TOX2: variants seen among roughly 807,000 people sequenced by gnomAD.
TOX2 encodes the protein TOX high mobility group box family member 2, also known as granulosa cell HMG box 1.
A neutral mutation model predicts 47.4 loss-of-function variants in TOX2; 15 were observed. That is an observed-to-expected ratio of 0.32 (90% CI 0.21 to 0.49). The LOEUF (loss-of-function observed/expected upper bound fraction) is 0.49, where lower values mean the gene tolerates loss of function less well. TOX2 is among the 20% of genes least tolerant of loss of function. The pLI, the probability that TOX2 is intolerant of heterozygous loss-of-function variation, is 0.99. For synonymous variants in TOX2, 290 were observed against 296.6 expected, an observed-to-expected ratio of 0.98 and a Z score of 0.23; for missense variants, 622 against 673.1, an observed-to-expected ratio of 0.92 and a Z score of 0.84.
chr20:44,013,210 G>T (rs1600736443), intron 3 of TOX2, among the ~76,000 whole-genome samples: 1 of 152,256 alleles, frequency 6.6e-6, no homozygotes, highest in Non-Finnish European at 1.5e-5. Flanking sequence ...CTGGGGGCAA[G>T]GGCCTTGGAG....
chr20:44,032,621 G>A (rs1343517507), intron 3 of TOX2, among the ~76,000 whole-genome samples: 3 of 152,078 alleles, frequency 2.0e-5, no homozygotes, highest in African/African-American at 4.8e-5. Flanking sequence ...AAGGACTTTG[G>A]CTTTTACTTG....
At chr20:43,928,191 AT>A (rs1407175677) in intron 1 of TOX2, among the ~76,000 whole-genome samples, 2 of 152,248 alleles carry the variant, frequency 1.3e-5, no homozygotes, top group Non-Finnish European at 2.9e-5. Flanking sequence ...AGCCAGGGGC[AT>A]TTGGAAAGCT....
Position 43,961,781 on chromosome 20 carries a change from G to T in TOX2, c.100-11586G>T, listed in dbSNP as rs369860092. 2.0e-5 allele frequency among the ~76,000 whole-genome samples: 3 copies of T among 152,130 alleles called. No individual in the cohort carries two copies. In the East Asian group the frequency reaches 5.8e-4, roughly 30 times the overall value. ...AGACTCTGGGGACGTGGGGAGTGCC[G>T]GTGGGTGAGACCAGCCGAGAGCACG... is the stretch of plus-strand genomic sequence containing the variant. On this transcript the variant is annotated intron_variant, in intron 1 of 8. Transcript: ENST00000341197.
intron 4 of TOX2, 148 bp from the exon 5 acceptor site, chr20:44,054,151 G>C: frequency 1.3e-6 from 1 of 754,724 alleles, no homozygotes; most frequent in Non-Finnish European, 2.3e-6. Flanking sequence ...GTGTGTGTCT[G>C]TCTGTCCATT....
At chr20:43,943,941 C>T (rs117716512) in intron 1 of TOX2, among the ~76,000 whole-genome samples, 1,779 of 152,244 alleles carry the variant, frequency 0.012, 20 homozygotes, top group Non-Finnish European at 0.019. Context: ...ATATCCTTGT[C>T]CACACGAATT....
At chr20:43,927,502 C>T (rs1428601533) in intron 1 of TOX2, among the ~76,000 whole-genome samples, 1 of 120,860 alleles carries the variant, frequency 8.3e-6, no homozygotes, top group Admixed American at 8.7e-5. Flanking sequence ...CACACACACA[C>T]ACACACACAT....
chr20:43,951,707 G>GTTGTTTTT (rs2069571130), intron 1 of TOX2, among the ~76,000 whole-genome samples: 5 of 55,094 alleles, frequency 9.1e-5, no homozygotes, highest in Admixed American at 2.4e-4. Flanking sequence ...AACTTATTAT[G>GTTGTTTTT]TTTTTTTTTT....
At chr20:43,994,386 G>T (rs2070428276) in intron 2 of TOX2, among the ~76,000 whole-genome samples, 1 of 150,396 alleles carries the variant, frequency 6.6e-6, no homozygotes, top group Admixed American at 6.7e-5. Context: ...TTGAGCCCAG[G>T]AGTCAGAGGC....
chr20:43,965,644 A>G (rs1201418333), intron 1 of TOX2, among the ~76,000 whole-genome samples: 4 of 152,170 alleles, frequency 2.6e-5, no homozygotes, highest in Non-Finnish European at 2.9e-5. Context: ...AGTGGCTGGG[A>G]GCATATTCCT....
chr20:44,064,683 G>A (rs2071778499), intron 5 of TOX2, 94 bp from the exon 6 acceptor site: 1 of 1,223,436 alleles, frequency 8.2e-7, no homozygotes, highest in Non-Finnish European at 1.2e-6. Context: ...GTCCATTCGT[G>A]ATCCTTGAAT....
intron 1 of TOX2, among the ~76,000 whole-genome samples, chr20:43,929,328 C>T (rs1234101257): frequency 6.6e-6 from 1 of 152,210 alleles, no homozygotes; most frequent in Non-Finnish European, 1.5e-5. Context: ...TAACATCCAA[C>T]TCCTTTGGCC....
intron 5 of TOX2, among the ~76,000 whole-genome samples, chr20:44,054,996 C>T (rs1024162847): frequency 6.6e-6 from 1 of 152,210 alleles, no homozygotes; most frequent in African/African-American, 2.4e-5. Flanking sequence ...CTCTGAGCCT[C>T]GGTTTTCATG....
intron 2 of TOX2, among the ~76,000 whole-genome samples, chr20:43,975,724 G>A (rs2145485320): frequency 6.6e-6 from 1 of 152,136 alleles, no homozygotes; most frequent in East Asian, 1.9e-4. Context: ...CATAATTTTT[G>A]TCACAGTGGT....
Position 44,027,084 on chromosome 20 carries a change from GCTGA to G in TOX2, c.411+20296_411+20299del, listed in dbSNP as rs529230584. On this transcript the variant is annotated intron_variant, in intron 3 of 8. Transcript: ENST00000341197. ...TGTTGTGTTAACTGAATATTCATGA[GCTGA>G]CTGTTTAAATTACAGTTCACAACTG... Among the ~76,000 whole-genome samples, 9 of 152,344 alleles carry G rather than the reference GCTGA, an allele frequency of 5.9e-5. No homozygotes were observed. In the East Asian group the frequency reaches 9.6e-4, roughly 16 times the overall value.
rs547411892 is a variant in TOX2, at chr20:43,959,654, C to T, written c.100-13713C>T. ...GTAGTGCTGGGGAGAAAATATCTTC[C>T]ACATCATCTGCTCATTGTCTCAGTC... is the stretch of plus-strand genomic sequence containing the variant. On this transcript the variant is annotated intron_variant, in intron 1 of 8. Coordinates refer to ENST00000341197, the MANE Select transcript of TOX2 (RefSeq NM_001098797.2). Among the ~76,000 whole-genome samples the T allele has an allele frequency of 2.0e-5, 3 of 152,328 alleles. No individual in the cohort carries two copies. The South Asian group carries it at 6.2e-4, about 32-fold the overall frequency.
chr20:43,928,997 A>AAAAAAAAAAACAAC (rs540054093), intron 1 of TOX2, among the ~76,000 whole-genome samples: 1 of 149,672 alleles, frequency 6.7e-6, no homozygotes, highest in Admixed American at 6.6e-5. Flanking sequence ...AAAAAAAAAA[A>AAAAAAAAAAACAAC]AACAACAACA....
At chr20:44,007,694 G>A (rs2070711586) in intron 3 of TOX2, among the ~76,000 whole-genome samples, 1 of 152,074 alleles carries the variant, frequency 6.6e-6, no homozygotes, top group Non-Finnish European at 1.5e-5. Flanking sequence ...AAACAAATTA[G>A]CCAGGTGTGG....
chr20:44,004,155 GT>G lies in TOX2; in HGVS notation c.166-2391del, dbSNP rs2070636719. On this transcript the variant is annotated intron_variant, in intron 2 of 8. Coordinates refer to ENST00000341197, the MANE Select transcript of TOX2 (RefSeq NM_001098797.2). ...GGTTCTATGAACGGGATGGAAGGTA[GT>G]GTCACTTGCTGAGATGTAGAGGACA... Among the ~76,000 whole-genome samples the G allele has an allele frequency of 1.3e-5, 2 of 152,318 alleles. 1 individual carries two copies. Among genetic ancestry groups the G allele is most frequent in the Non-Finnish European group, 2.9e-5 (2 of 68,022 alleles).
intron 1 of TOX2, chr20:43,945,621 C>G (rs1310748965): frequency 8.6e-6 from 3 of 347,502 alleles, no homozygotes; most frequent in Non-Finnish European, 1.1e-5. Context: ...GGGGAAGGCT[C>G]TTAAGCCACA....
Sources: gnomAD v4.1 joint callset for allele counts (sites outside exome capture counted in the v4.1 genomes callset) on GRCh38, gnomAD v4.1.1 for gene constraint, MANE v1.5 for transcripts, NCBI Gene and HGNC (gene_info 2026-07-23, HGNC 2026-07-21) for gene names.